The following NXPE2 variants were observed in gnomAD, a reference collection of about 807,000 sequenced individuals.
NXPE2 encodes NXPE family member 2.
NXPE2 carries 34 observed loss-of-function variants against 34.4 expected under a neutral mutation model. That is an observed-to-expected ratio of 0.99 (90% CI 0.75 to 1.31). The LOEUF (loss-of-function observed/expected upper bound fraction) is 1.31, where lower values mean the gene tolerates loss of function less well. NXPE2 is among the 40% of genes most tolerant of loss of function. The probability of loss-of-function intolerance (pLI) is 0.00; values close to 1 mark genes in which losing one functional copy is unlikely to be tolerated. For synonymous variants in NXPE2, 235 were observed against 231.3 expected (o/e 1.02, Z -0.15); for missense variants, 649 against 672.5 (o/e 0.97, Z 0.39).
chr11:114,651,364 C>T, the NXPE2 span, among the ~76,000 whole-genome samples: 8 of 151,190 alleles, frequency 5.3e-5, no homozygotes, highest in East Asian at 1.4e-3. Context: ...GTTTGTTCCT[C>T]CTGGTGGGTT....
At chr11:114,686,452 G>T (rs1951049795) in intron 2 of NXPE2, among the ~76,000 whole-genome samples, 2 of 152,008 alleles carry the variant, frequency 1.3e-5, no homozygotes, top group African/African-American at 4.8e-5. Context: ...ATGATTTTGT[G>T]CTTTGTTTTG....
At chr11:114,579,060 C>T in the NXPE2 span, among the ~76,000 whole-genome samples, 1 of 152,134 alleles carries the variant, frequency 6.6e-6, no homozygotes, top group Admixed American at 6.5e-5. Flanking sequence ...GCTTATTTGG[C>T]TGATGGTTCT....
chr11:114,605,050 G>T, the NXPE2 span, among the ~76,000 whole-genome samples: 2 of 151,716 alleles, frequency 1.3e-5, no homozygotes, highest in African/African-American at 4.8e-5. Context: ...GTACTGCCTC[G>T]TGGGTAACCA....
the NXPE2 span, among the ~76,000 whole-genome samples, chr11:114,640,392 G>C: frequency 2.8e-4 from 42 of 150,138 alleles, 1 homozygote; most frequent in Non-Finnish European, 5.0e-4. Flanking sequence ...TCATGTGTTC[G>C]TCAGTTGTGA....
At chr11:114,679,569 G>A (rs1389423612) in intron 1 of NXPE2, 88 bp from the exon 2 acceptor site, 2 of 706,444 alleles carry the variant, frequency 2.8e-6, no homozygotes, top group East Asian at 2.8e-5. Context: ...ACCTTGTTCT[G>A]GAAATTACTG....
At chr11:114,640,329 T>C in the NXPE2 span, among the ~76,000 whole-genome samples, 1 of 147,810 alleles carries the variant, frequency 6.8e-6, no homozygotes, top group African/African-American at 2.5e-5. Context: ...TATATGTTTA[T>C]ATTGTATCCA....
chr11:114,644,074 A>G, the NXPE2 span, among the ~76,000 whole-genome samples: 1 of 151,992 alleles, frequency 6.6e-6, no homozygotes, highest in Admixed American at 6.6e-5. Context: ...ATTGGTGTAT[A>G]AGAATGCTTG....
chr11:114,795,616 C>T, the NXPE2 span, among the ~76,000 whole-genome samples: 1 of 152,190 alleles, frequency 6.6e-6, no homozygotes, highest in African/African-American at 2.4e-5. Flanking sequence ...TCCACCCTGC[C>T]AGGACATGAG....
chr11:114,750,212 A>G, the NXPE2 span, among the ~76,000 whole-genome samples: 1 of 152,214 alleles, frequency 6.6e-6, no homozygotes, highest in African/African-American at 2.4e-5. Flanking sequence ...AGGAAAGAGA[A>G]GTGAAAGATC....
At chr11:114,471,964 C>T in the NXPE2 span, among the ~76,000 whole-genome samples, 1 of 152,154 alleles carries the variant, frequency 6.6e-6, no homozygotes, top group Non-Finnish European at 1.5e-5. Context: ...GGGTAACTCC[C>T]ACTTTCTGGT....
At chr11:114,625,609 A>G in the NXPE2 span, among the ~76,000 whole-genome samples, 1 of 151,702 alleles carries the variant, frequency 6.6e-6, no homozygotes. Context: ...TGGATAATAA[A>G]TATTGCCTCG....
chr11:114,637,055 C>G, the NXPE2 span, among the ~76,000 whole-genome samples: 1 of 151,934 alleles, frequency 6.6e-6, no homozygotes, highest in African/African-American at 2.4e-5. Flanking sequence ...CTAATGTTGA[C>G]AGTGGGGTGT....
the NXPE2 span, among the ~76,000 whole-genome samples, chr11:114,615,132 A>T: frequency 0.092 from 13,980 of 151,938 alleles, 765 homozygotes; most frequent in Middle Eastern, 0.2. Context: ...GGTGCATAAT[A>T]AGTGTTACCT....
At chr11:114,601,386 T>TCC in the NXPE2 span, among the ~76,000 whole-genome samples, 1 of 143,702 alleles carries the variant, frequency 7.0e-6, no homozygotes, top group African/African-American at 2.6e-5. Flanking sequence ...GATAATACCC[T>TCC]CCAGTTCCAT....
the NXPE2 span, among the ~76,000 whole-genome samples, chr11:114,528,503 T>C: frequency 6.6e-6 from 1 of 152,206 alleles, no homozygotes; most frequent in African/African-American, 2.4e-5. Context: ...CAAACTTGCT[T>C]TCTGAAGATC....
chr11:114,733,003 G>T, the NXPE2 span, among the ~76,000 whole-genome samples: 1 of 151,900 alleles, frequency 6.6e-6, no homozygotes, highest in Non-Finnish European at 1.5e-5. Flanking sequence ...TTAATTAATT[G>T]TTCAGTTTGC....
At chr11:114,684,193 C>T (rs542829470) in intron 2 of NXPE2, among the ~76,000 whole-genome samples, 6 of 152,102 alleles carry the variant, frequency 3.9e-5, no homozygotes, top group Middle Eastern at 3.4e-3. Flanking sequence ...TTTGGGAGGC[C>T]GAGGCGGGCA....
rs746345660 is a variant in NXPE2, at chr11:114,706,979, A to G, written c.*49A>G. ...AGCCACTTTCTATAGATGATCTCAC[A>G]TATACAGCGAAGATAGTTTAATGCA... On this transcript the variant is annotated 3_prime_UTR_variant, in exon 6 of 6. Transcript: ENST00000389586. 29 of 1,393,520 alleles carry G rather than the reference A, an allele frequency of 2.1e-5. No homozygotes were observed. Among genetic ancestry groups the G allele is most frequent in the Non-Finnish European group, 2.8e-5 (29 of 1,039,884 alleles). 86.3% of individuals were successfully genotyped at this position (1,393,520 alleles called of 1,614,324 possible).
chr11:114,495,790 G>A, the NXPE2 span, among the ~76,000 whole-genome samples: 1 of 152,180 alleles, frequency 6.6e-6, no homozygotes, highest in African/African-American at 2.4e-5. Context: ...TCCCCAGGGT[G>A]TGTTTAGAAA....
Sources: gnomAD v4.1 joint callset for allele counts (sites outside exome capture counted in the v4.1 genomes callset) on GRCh38, gnomAD v4.1.1 for gene constraint, MANE v1.5 for transcripts, NCBI Gene and HGNC (gene_info 2026-07-23, HGNC 2026-07-21) for gene names.